Variants in FBXO27 observed in about 807,000 individuals in gnomAD.
The protein encoded by FBXO27 is F-box protein 27.
In FBXO27, 28 loss-of-function variants were observed where a neutral mutation model predicts 28.3. The observed-to-expected ratio is 0.99, with a 90% confidence interval of 0.73 to 1.36. The LOEUF is 1.36. Among genes scored for constraint, FBXO27 ranks in the 40% most tolerant of loss-of-function variants. The pLI is 0.00. For missense variants in FBXO27, 388 were observed against 394.1 expected (o/e 0.98, Z 0.13); for synonymous variants, 175 against 167.3 (o/e 1.05, Z -0.36).
intron 4 of FBXO27, 132 bp from the exon 5 acceptor site, chr19:39,027,137 T>A: frequency 9.0e-7 from 1 of 1,110,376 alleles, no homozygotes; most frequent in Non-Finnish European, 1.3e-6. Flanking sequence ...AGGTGATCTC[T>A]GGACCTTTGG....
intron 2 of FBXO27, among the ~76,000 whole-genome samples, chr19:39,008,801 T>C (rs137864071): frequency 4.7e-4 from 71 of 152,306 alleles, no homozygotes; most frequent in Admixed American, 8.5e-4. Context: ...TATTGCAGCA[T>C]ATATCAGTAT....
chr19:39,015,457 C>A (rs1450271939), intron 1 of FBXO27, among the ~76,000 whole-genome samples: 12 of 149,366 alleles, frequency 8.0e-5, no homozygotes. Context: ...AAAGCAAGAC[C>A]TCATCTTAAA....
intron 1 of FBXO27, among the ~76,000 whole-genome samples, chr19:39,015,549 C>T (rs2072816045): frequency 6.6e-6 from 1 of 151,872 alleles, no homozygotes; most frequent in Admixed American, 6.6e-5. Context: ...CTCGCTTGAG[C>T]CCAGGAGTTT....
chr19:39,023,708 G>T (rs2072856902), downstream of FBXO27, among the ~76,000 whole-genome samples: 1 of 151,976 alleles, frequency 6.6e-6, no homozygotes, highest in African/African-American at 2.4e-5. Flanking sequence ...CCACCTCCCG[G>T]ATTCAAACGA....
At position 39,031,846 on chromosome 19, in the gene FBXO27, C is replaced by T. The variant is rs753903319; in HGVS notation, c.364+18G>A. The T allele has an allele frequency of 6.8e-7, 1 of 1,466,678 alleles. No homozygotes were observed. Among genetic ancestry groups the T allele is most frequent in the Non-Finnish European group, 8.9e-7 (1 of 1,121,984 alleles). The allele number at this position is 1,466,678 out of a possible 1,614,324, so 90.9% of individuals were successfully genotyped here. ...CACTGTGGCCCAGCATCCTGGACTT[C>T]CTCTTCCGAGATCCCACCTTGGCCG... On this transcript the variant is annotated intron_variant, in intron 2 of 5. Transcript: ENST00000292853.
In FBXO27 at chr19:39,006,885, C is replaced by T. The variant is rs373686179; in HGVS notation, c.252+7502G>A. Among the ~76,000 whole-genome samples the T allele has an allele frequency of 2.6e-4, 40 of 151,914 alleles. No homozygotes were observed. The East Asian group carries it at 2.7e-3, about 10-fold the overall frequency. On this transcript the variant is annotated intron_variant, in intron 2 of 2. Transcript: ENST00000598394. Reference sequence around the variant, plus strand: ...CTTGAGCCCAGGAGTTCAAGACCAGCCTGGGCAACATAGAGAAACCCCATC... The same window carrying T: ...CTTGAGCCCAGGAGTTCAAGACCAGTCTGGGCAACATAGAGAAACCCCATC...
At chr19:39,016,185 G>A (rs1403166996) in intron 1 of FBXO27, among the ~76,000 whole-genome samples, 2 of 152,134 alleles carry the variant, frequency 1.3e-5, no homozygotes, top group African/African-American at 4.8e-5. Context: ...ACTAGTCTGT[G>A]TGATACCGCA....
downstream of FBXO27, among the ~76,000 whole-genome samples, chr19:39,020,803 T>A (rs1031621391): frequency 2.1e-5 from 3 of 141,232 alleles, no homozygotes; most frequent in Non-Finnish European, 4.6e-5. Context: ...AAGCCATGGA[T>A]CTTGGGGAAA....
rs2072867254 is a variant in FBXO27 at position 39,025,424 on chromosome 19, A to T, written c.839T>A (p.Val280Asp). ...RVTNSSVIVR[V>D]RLS Reference sequence around the variant, plus strand: ...GGTAGTGCTGGACTAGGACAGACGGACTCGCACGATCACACTGGAGTTGGT... The same window carrying T: ...GGTAGTGCTGGACTAGGACAGACGGTCTCGCACGATCACACTGGAGTTGGT... Residue 280 changes from valine to aspartate, a missense_variant, in exon 6 of 6, where the codon GTC (valine) becomes GAC (aspartate). Val to Asp is a radical substitution (Grantham distance 152). Coordinates refer to ENST00000292853, the MANE Select transcript of FBXO27 (RefSeq NM_178820.5). 6.2e-7 allele frequency: 1 copy of T among 1,613,548 alleles called. No homozygotes were observed. The highest frequency in any genetic ancestry group is 1.7e-5 in the Admixed American group (1 of 59,954).
At chr19:39,013,342 T>C (rs2072804577) in intron 2 of FBXO27, among the ~76,000 whole-genome samples, 1 of 151,892 alleles carries the variant, frequency 6.6e-6, no homozygotes, top group African/African-American at 2.4e-5. Context: ...TAGAAATACA[T>C]TCGATGGCCA....
chr19:39,013,969 C>T (rs566175700), intron 2 of FBXO27, among the ~76,000 whole-genome samples: 24 of 152,152 alleles, frequency 1.6e-4, no homozygotes, highest in South Asian at 4.1e-4. Context: ...GCTGAGATCA[C>T]GCCACTGCAC....
At chr19:39,021,197 C>T (rs1183762090), downstream of FBXO27, among the ~76,000 whole-genome samples, 1 of 152,160 alleles carries the variant, frequency 6.6e-6, no homozygotes, top group African/African-American at 2.4e-5. Flanking sequence ...ATGGACCCCT[C>T]TGTGATACAG....
At chr19:39,029,812 C>T (rs990222308) in intron 4 of FBXO27, among the ~76,000 whole-genome samples, 12 of 152,104 alleles carry the variant, frequency 7.9e-5, no homozygotes, top group African/African-American at 2.4e-4. Flanking sequence ...TTCTGCCAAG[C>T]CCAGGCTGTG....
chr19:39,029,223 C>T (rs2072889256), intron 4 of FBXO27, among the ~76,000 whole-genome samples: 1 of 151,240 alleles, frequency 6.6e-6, no homozygotes, highest in Admixed American at 6.6e-5. Flanking sequence ...GTCAGCAGTT[C>T]AAGACCAGCC....
At chr19:39,015,017 C>CA (rs35545169) in intron 1 of FBXO27, among the ~76,000 whole-genome samples, 98,119 of 125,742 alleles carry the variant, frequency 0.78, 37,855 homozygotes, top group South Asian at 0.87. Flanking sequence ...GACTCTGTCT[C>CA]AAAAAAAAAA....
At chr19:39,016,415 G>A (rs973749892) in intron 1 of FBXO27, among the ~76,000 whole-genome samples, 2 of 151,714 alleles carry the variant, frequency 1.3e-5, no homozygotes, top group Non-Finnish European at 2.9e-5. Flanking sequence ...GGAGAACTCT[G>A]TACTTTCTGC....
rs374564699 is a variant in FBXO27 at position 39,027,805 on chromosome 19, T to C, written c.573-800A>G. ...TTGGGACTATAGGCGTGAGCCACCA[T>C]GCCCAGTCAGATTTTGTTTTTAATT... On this transcript the variant is annotated intron_variant, in intron 4 of 5. Transcript: ENST00000292853. 1.1e-4 allele frequency among the ~76,000 whole-genome samples: 16 copies of C among 151,790 alleles called. No homozygotes were observed. In the East Asian group the frequency reaches 2.2e-3, roughly 21 times the overall value.
At chr19:39,006,811 G>T (rs1019377036) in intron 2 of FBXO27, among the ~76,000 whole-genome samples, 1 of 151,896 alleles carries the variant, frequency 6.6e-6, no homozygotes, top group Admixed American at 6.6e-5. Context: ...AGGTGCTGTG[G>T]CTCATGCCTA....
chr19:39,022,143 ATTCTT>A (rs1157910504), downstream of FBXO27, among the ~76,000 whole-genome samples: 5 of 101,120 alleles, frequency 4.9e-5, no homozygotes, highest in African/African-American at 1.5e-4. Flanking sequence ...AATATTTTCT[ATTCTT>A]TTTTTTTTTT....
Sources: allele counts gnomAD v4.1 joint callset (sites outside exome capture counted in the v4.1 genomes callset), GRCh38; gene constraint gnomAD v4.1.1; transcripts MANE v1.5; gene names NCBI Gene and HGNC (gene_info 2026-07-23, HGNC 2026-07-21).